The following USP22 variants were observed in gnomAD, a reference collection of about 807,000 sequenced individuals.
USP22 encodes the protein ubiquitin carboxyl-terminal hydrolase 22.
USP22 carries 22 observed loss-of-function variants against 68.1 expected under a neutral mutation model. The ratio of observed to expected loss-of-function variants is 0.32; its 90% CI spans 0.23 to 0.46. The LOEUF is 0.46. Ranked by LOEUF, USP22 falls within the 20% of genes least tolerant of loss-of-function variation. The pLI is 1.00. For missense variants in USP22, 433 were observed against 695.8 expected (o/e 0.62, Z 4.25); for synonymous variants, 279 against 274.2 (o/e 1.02, Z -0.17).
chr17:21,022,890 C>T (rs1972174358), intron 2 of USP22, among the ~76,000 whole-genome samples: 1 of 151,900 alleles, frequency 6.6e-6, no homozygotes, highest in South Asian at 2.1e-4. Flanking sequence ...GTGTGTTCAT[C>T]GCAGCACTAT....
At chr17:21,026,489 A>G (rs980477712) in intron 2 of USP22, among the ~76,000 whole-genome samples, 4 of 151,726 alleles carry the variant, frequency 2.6e-5, no homozygotes, top group African/African-American at 9.7e-5. Context: ...ACGCCCTGCT[A>G]ATTTTTAAAT....
At position 21,004,787 on chromosome 17, in the gene USP22, CCAA is replaced by C. The variant is rs2143510508; in HGVS notation, c.1385+138_1385+140del. ...CCTTTCCTAGTGGAGCTGCGGGCAG[CCAA>C]TAGTGGAGCTGCGGGCAGCCAAGCG... On this transcript the variant is annotated intron_variant, in intron 11 of 12. Coordinates refer to ENST00000261497, the MANE Select transcript of USP22 (RefSeq NM_015276.2). The C allele has an allele frequency of 1.8e-4, 16 of 86,526 alleles. 5 individuals are homozygous for C. Among genetic ancestry groups the C allele is most frequent in the South Asian group, 9.8e-4 (2 of 2,050 alleles). The allele number at this position is 86,526 out of a possible 1,614,324, so 5.4% of individuals were successfully genotyped here. A position where few individuals can be genotyped will look rare whatever the true frequency, so the allele number is the denominator to read the frequency against.
intron 1 of USP22, chr17:21,042,295 C>T (rs1030170835): frequency 9.2e-5 from 15 of 163,304 alleles, no homozygotes; most frequent in Non-Finnish European, 1.4e-4. Context: ...ACACCACCCC[C>T]GGCCCGGAAG....
chr17:21,011,952 A>T (rs1913983626), intron 7 of USP22, among the ~76,000 whole-genome samples: 1 of 152,164 alleles, frequency 6.6e-6, no homozygotes, highest in African/African-American at 2.4e-5. Context: ...GGTTTCTAAT[A>T]CTCAGAGACA....
Position 21,015,912 on chromosome 17 carries a change from G to A in USP22, c.691-13C>T, listed in dbSNP as rs767057685. 16 of 1,612,812 alleles carry A rather than the reference G, an allele frequency of 9.9e-6. No individual in the cohort carries two copies. Among genetic ancestry groups the A allele is most frequent in the Middle Eastern group, 1.7e-4 (1 of 6,058 alleles). On this transcript the variant is annotated splice_polypyrimidine_tract_variant and intron_variant, in intron 5 of 12. Transcript: ENST00000261497. Reference sequence around the variant, plus strand: ...GTCCAGAGTAAAACTGCCAGAGGGCGGGGAAGGAAACCTTGTCAGGAATAA... The same window carrying A: ...GTCCAGAGTAAAACTGCCAGAGGGCAGGGAAGGAAACCTTGTCAGGAATAA...
chr17:21,006,795 A>T, intron 10 of USP22, 101 bp downstream of exon 10: 1 of 959,390 alleles, frequency 1.0e-6, no homozygotes, highest in Non-Finnish European at 1.5e-6. Flanking sequence ...GAGCCACTGC[A>T]CCCGGCCAAC....
intron 2 of USP22, among the ~76,000 whole-genome samples, chr17:21,021,708 A>G (rs1462941165): frequency 1.3e-5 from 2 of 152,166 alleles, no homozygotes; most frequent in African/African-American, 4.8e-5. Flanking sequence ...TACAGGGGGA[A>G]AATAGTTTCT....
Position 21,002,375 on chromosome 17 carries a change from G to A in USP22, c.*656C>T, listed in dbSNP as rs968157179. On this transcript the variant is annotated 3_prime_UTR_variant, in exon 13 of 13. Transcript: ENST00000261497. ...TTCACCTTTGTGGAAAAAGGAGCGG[G>A]AGAGGGATAAGAAAATGCCTGTTTC... The A allele has an allele frequency of 6.6e-6, 1 of 152,322 alleles. No individual in the cohort carries two copies. Among genetic ancestry groups the A allele is most frequent in the African/African-American group, 2.4e-5 (1 of 41,448 alleles). 9.4% of individuals were successfully genotyped at this position (152,322 alleles called of 1,614,324 possible). A position where few individuals can be genotyped will look rare whatever the true frequency, so the allele number is the denominator to read the frequency against.
chr17:21,004,369 G>A lies in USP22; in HGVS notation c.1386-18C>T, dbSNP rs538773879. 3.5e-5 allele frequency: 57 copies of A among 1,612,394 alleles called. 1 individual carries two copies. In the South Asian group the frequency reaches 5.2e-4, roughly 15 times the overall value. On this transcript the variant is annotated intron_variant, in intron 11 of 12. Coordinates refer to ENST00000261497, the MANE Select transcript of USP22 (RefSeq NM_015276.2). ...GGGAATACCTAGTGCAGGAGCAAAG[G>A]AGAGGGAGGGCGCAGGTGACTTGAT...
At chr17:21,014,763 A>T (rs1914079159) in intron 6 of USP22, among the ~76,000 whole-genome samples, 1 of 152,198 alleles carries the variant, frequency 6.6e-6, no homozygotes, top group South Asian at 2.1e-4. Context: ...ACTCCAAGTT[A>T]AAATTAACTG....
At chr17:21,042,529 GAAGGAGA>G (rs1972452248) in intron 1 of USP22, 129 bp downstream of exon 1, 1 of 837,068 alleles carries the variant, frequency 1.2e-6, no homozygotes, top group East Asian at 3.4e-5. Context: ...AGAGAGGGCA[GAAGGAGA>G]GAGGAAGAGG....
intron 6 of USP22, among the ~76,000 whole-genome samples, chr17:21,013,639 A>T (rs1238169893): frequency 6.6e-6 from 1 of 152,236 alleles, no homozygotes; most frequent in Admixed American, 6.5e-5. Context: ...TTGAATCATG[A>T]CAGAGGAATA....
intron 8 of USP22, among the ~76,000 whole-genome samples, chr17:21,009,325 A>G (rs1471045736): frequency 6.6e-6 from 1 of 152,134 alleles, no homozygotes; most frequent in Non-Finnish European, 1.5e-5. Context: ...GCCCTTATTT[A>G]TGCTCTGGAA....
At chr17:21,028,481 AAATC>A in intron 2 of USP22, 57 bp downstream of exon 2, 3 of 1,592,508 alleles carry the variant, frequency 1.9e-6, no homozygotes, top group South Asian at 1.1e-5. Flanking sequence ...GCAAATCAAA[AAATC>A]AAAGAGTAGC....
chr17:21,030,388 A>G (rs199981848), intron 1 of USP22, among the ~76,000 whole-genome samples: 4 of 146,848 alleles, frequency 2.7e-5, no homozygotes, highest in East Asian at 2.0e-4. Context: ...GTGTGTGTGT[A>G]TGTATGTATG....
rs1913612093 is a variant in USP22 at position 21,002,325 on chromosome 17, C to T, written c.*706G>A. The T allele has an allele frequency of 6.6e-6, 1 of 152,244 alleles. No homozygotes were observed. Among genetic ancestry groups the T allele is most frequent in the African/African-American group, 2.4e-5 (1 of 41,438 alleles). The allele number at this position is 152,244 out of a possible 1,614,324, so 9.4% of individuals were successfully genotyped here. ...CTGTATAAACTCAGTAATTCATTCACTTTACTAGTATTACATTTATGAAAT... is the reference window on the plus strand; with the variant it reads ...CTGTATAAACTCAGTAATTCATTCATTTTACTAGTATTACATTTATGAAAT... On this transcript the variant is annotated 3_prime_UTR_variant, in exon 13 of 13. Coordinates refer to ENST00000261497, the MANE Select transcript of USP22 (RefSeq NM_015276.2).
chr17:21,042,844 A>C lies in USP22; in HGVS notation c.-9T>G. ...TCTGGCCGGGACACCATGGGGGGCAAGGCCCGGCCGCGCGCGGGGGGCGGC... is the reference window on the plus strand; with the variant it reads ...TCTGGCCGGGACACCATGGGGGGCACGGCCCGGCCGCGCGCGGGGGGCGGC... On this transcript the variant is annotated 5_prime_UTR_variant, in exon 1 of 13. Coordinates refer to ENST00000261497, the MANE Select transcript of USP22 (RefSeq NM_015276.2). 1 of 1,285,180 alleles carries C rather than the reference A, an allele frequency of 7.8e-7. No homozygotes were observed. Among genetic ancestry groups the C allele is most frequent in the Non-Finnish European group, 9.9e-7 (1 of 1,014,562 alleles). The allele number at this position is 1,285,180 out of a possible 1,614,324, so 79.6% of individuals were successfully genotyped here.
At chr17:21,034,039 G>T (rs1420131187) in intron 1 of USP22, among the ~76,000 whole-genome samples, 1 of 151,668 alleles carries the variant, frequency 6.6e-6, no homozygotes, top group Non-Finnish European at 1.5e-5. Context: ...ATGAGCCACC[G>T]TGCCCGGCCT....
Position 21,021,527 on chromosome 17 carries a change from G to A in USP22, c.305-301C>T, listed in dbSNP as rs539695959. On this transcript the variant is annotated intron_variant, in intron 2 of 12. Coordinates refer to ENST00000261497, the MANE Select transcript of USP22 (RefSeq NM_015276.2). ...GACCTCTGCCACCTTCTCTGAATGCGTGGTATTTAAAACTGGTACAACTGC... is the reference window on the plus strand; with the variant it reads ...GACCTCTGCCACCTTCTCTGAATGCATGGTATTTAAAACTGGTACAACTGC... Among the ~76,000 whole-genome samples the A allele has an allele frequency of 4.0e-4, 61 of 152,280 alleles. 2 individuals carry two copies. The highest frequency in any genetic ancestry group is 2.7e-3 in the South Asian group (13 of 4,826).
Sources: allele counts gnomAD v4.1 joint callset (sites outside exome capture counted in the v4.1 genomes callset), GRCh38; gene constraint gnomAD v4.1.1; transcripts MANE v1.5; gene names NCBI Gene and HGNC (gene_info 2026-07-23, HGNC 2026-07-21).